Variants in MITF observed in about 807,000 individuals in gnomAD.
MITF encodes melanocyte inducing transcription factor, also known as microphthalmia-associated transcription factor.
MITF carries 17 observed loss-of-function variants against 60.5 expected under a neutral mutation model. The ratio of observed to expected loss-of-function variants is 0.28; its 90% confidence interval spans 0.19 to 0.42. The LOEUF is 0.42. MITF is among the 10% of genes least tolerant of loss of function. The pLI is 1.00. For missense variants in MITF, 622 were observed against 683.5 expected, an observed-to-expected ratio of 0.91 and a Z score of 1.00; for synonymous variants, 260 against 248.5, an observed-to-expected ratio of 1.05 and a Z score of -0.43.
At chr3:69,813,716 G>A (rs995695118) in intron 1 of MITF, among the ~76,000 whole-genome samples, 2 of 152,196 alleles carry the variant, frequency 1.3e-5, no homozygotes, top group African/African-American at 4.8e-5. Flanking sequence ...CTGACAAATT[G>A]ATTAGCATTT....
intron 1 of MITF, among the ~76,000 whole-genome samples, chr3:69,809,539 T>A (rs1415594330): frequency 1.3e-5 from 2 of 152,136 alleles, no homozygotes; most frequent in African/African-American, 4.8e-5. Context: ...TTGCTCATAT[T>A]AAAGTATGAT....
At chr3:69,839,642 G>A (rs930026233) in intron 1 of MITF, among the ~76,000 whole-genome samples, 26 of 152,028 alleles carry the variant, frequency 1.7e-4, no homozygotes, top group Admixed American at 6.5e-5. Context: ...GCTGGGGCAT[G>A]TCAGTGGCCC....
intron 1 of MITF, among the ~76,000 whole-genome samples, chr3:69,756,290 C>T (rs1039168345): frequency 6.6e-6 from 1 of 152,090 alleles, no homozygotes; most frequent in African/African-American, 2.4e-5. Flanking sequence ...CCTTGCCCCA[C>T]AACCCCCGAC....
At chr3:69,956,334 T>A in intron 7 of MITF, 121 bp from the exon 8 acceptor site, 1 of 770,776 alleles carries the variant, frequency 1.3e-6, no homozygotes, top group South Asian at 1.5e-5. Context: ...AGGGAAAAAG[T>A]AGGTTCAGGT....
intron 1 of MITF, among the ~76,000 whole-genome samples, chr3:69,765,902 G>A (rs1375161699): frequency 6.6e-6 from 1 of 152,174 alleles, no homozygotes; most frequent in East Asian, 1.9e-4. Context: ...TAGCTATCTG[G>A]AAAATATTTC....
intron 1 of MITF, among the ~76,000 whole-genome samples, chr3:69,872,814 T>C (rs2064268576): frequency 6.6e-6 from 1 of 152,170 alleles, no homozygotes; most frequent in Non-Finnish European, 1.5e-5. Flanking sequence ...CTTCAGATTT[T>C]AAGTTGTGTG....
intron 2 of MITF, among the ~76,000 whole-genome samples, chr3:69,917,000 T>C (rs1217356637): frequency 6.6e-6 from 1 of 152,214 alleles, no homozygotes; most frequent in Admixed American, 6.5e-5. Context: ...GACATATGTT[T>C]AGTGCATGTC....
intron 2 of MITF, among the ~76,000 whole-genome samples, chr3:69,908,356 A>T (rs1482351225): frequency 7.0e-6 from 1 of 143,688 alleles, no homozygotes; most frequent in Non-Finnish European, 1.5e-5. Flanking sequence ...CAAAAACAAT[A>T]AAAAAAAAAC....
At chr3:69,930,434 A>G (rs1473506242) in intron 2 of MITF, among the ~76,000 whole-genome samples, 7 of 152,214 alleles carry the variant, frequency 4.6e-5, no homozygotes, top group Non-Finnish European at 5.9e-5. Flanking sequence ...TCTTTGAGCA[A>G]CCAAGGCTTG....
intron 1 of MITF, among the ~76,000 whole-genome samples, chr3:69,840,864 C>T (rs11708183): frequency 0.5 from 75,483 of 151,598 alleles, 20,468 homozygotes; most frequent in Non-Finnish European, 0.63. Flanking sequence ...CAAGCAATTC[C>T]CGTGCCTCAC....
intron 6 of MITF, among the ~76,000 whole-genome samples, chr3:69,950,507 T>A (rs889955881): frequency 1.4e-5 from 2 of 148,072 alleles, no homozygotes; most frequent in African/African-American, 4.9e-5. Context: ...CACATAGATA[T>A]GCATATATAT....
chr3:69,884,604 T>C (rs1045558772), intron 2 of MITF, among the ~76,000 whole-genome samples: 12 of 152,092 alleles, frequency 7.9e-5, no homozygotes, highest in African/African-American at 4.8e-5. Flanking sequence ...TTATGAACAC[T>C]TGGGGGTGAG....
intron 1 of MITF, chr3:69,866,260 A>G (rs2064112695): frequency 6.8e-6 from 11 of 1,611,458 alleles, no homozygotes; most frequent in Non-Finnish European, 8.5e-6. Context: ...CTCTTCGCCA[A>G]GGGCTTGCAG....
In MITF at chr3:69,966,923, C is replaced by T. The variant is rs528327174; in HGVS notation, c.*1675C>T. On this transcript the variant is annotated 3_prime_UTR_variant, in exon 10 of 10. Transcript: ENST00000352241. ...TTCATGATGGTATCTATAGTCAAGACGAACATGTAGCATGGTGCCTATGTA... is the reference window on the plus strand; with the variant it reads ...TTCATGATGGTATCTATAGTCAAGATGAACATGTAGCATGGTGCCTATGTA... 2.6e-5 allele frequency: 6 copies of T among 232,518 alleles called. No individual in the cohort carries two copies. The highest frequency in any genetic ancestry group is 1.8e-4 in the South Asian group (1 of 5,514). The allele number at this position is 232,518 out of a possible 1,614,324, so 14.4% of individuals were successfully genotyped here.
Position 69,899,910 on chromosome 3 carries a change from C to T in MITF, c.354+20527C>T, listed in dbSNP as rs557634610. ...GAGTGATGTCTCTCCTTGGGGTCTG[C>T]CAGGGCACATGATACAGCAAGTGTT... On this transcript the variant is annotated intron_variant, in intron 2 of 9. Coordinates refer to ENST00000352241, the MANE Select transcript of MITF (RefSeq NM_001354604.2). Among the ~76,000 whole-genome samples, 5 of 152,216 alleles carry T rather than the reference C, an allele frequency of 3.3e-5. No homozygotes were observed. In the East Asian group the frequency reaches 9.7e-4, roughly 29 times the overall value.
chr3:69,838,912 G>A (rs2063581660), intron 1 of MITF, among the ~76,000 whole-genome samples: 1 of 152,198 alleles, frequency 6.6e-6, no homozygotes, highest in African/African-American at 2.4e-5. Context: ...AGTGTGGAGA[G>A]CAGTATGATT....
At chr3:69,794,410 T>C (rs1265913443) in intron 1 of MITF, among the ~76,000 whole-genome samples, 1 of 152,176 alleles carries the variant, frequency 6.6e-6, no homozygotes, top group East Asian at 1.9e-4. Context: ...TTTGTGTTGT[T>C]TGACGTGGTT....
chr3:69,852,414 G>T (rs1472211591), intron 1 of MITF, among the ~76,000 whole-genome samples: 2 of 152,260 alleles, frequency 1.3e-5, no homozygotes, highest in Non-Finnish European at 2.9e-5. Context: ...TCATACAAAT[G>T]AAATCATACA....
intron 1 of MITF, among the ~76,000 whole-genome samples, chr3:69,819,266 TG>T (rs1227604210): frequency 2.6e-5 from 4 of 152,240 alleles, no homozygotes; most frequent in African/African-American, 9.6e-5. Flanking sequence ...TTTGCTTTTT[TG>T]CCCCTCTTTC....
Sources: allele counts gnomAD v4.1 joint callset (sites outside exome capture counted in the v4.1 genomes callset), GRCh38; gene constraint gnomAD v4.1.1; transcripts MANE v1.5; gene names NCBI Gene and HGNC (gene_info 2026-07-23, HGNC 2026-07-21).